GPC6: variants seen among roughly 807,000 people sequenced by gnomAD.
GPC6 encodes the protein glypican-6.
A neutral mutation model predicts 55.2 loss-of-function variants in GPC6; 14 were observed. That is an observed-to-expected ratio of 0.25 (90% confidence interval 0.17 to 0.40). GPC6 has a LOEUF of 0.40. GPC6 is among the 10% of genes least tolerant of loss of function. The probability of loss-of-function intolerance (pLI) is 1.00; values close to 1 mark genes in which losing one functional copy is unlikely to be tolerated. For missense variants in GPC6, 641 were observed against 708.5 expected, an observed-to-expected ratio of 0.90 and a Z score of 1.08; for synonymous variants, 278 against 259.6, an observed-to-expected ratio of 1.07 and a Z score of -0.68.
chr13:93,511,500 A>G (rs1027665947), intron 1 of GPC6, among the ~76,000 whole-genome samples: 1 of 151,530 alleles, frequency 6.6e-6, no homozygotes, highest in African/African-American at 2.4e-5. Context: ...ATGTGGCTTT[A>G]TTTCTGGGTT....
intron 3 of GPC6, among the ~76,000 whole-genome samples, chr13:93,936,628 G>A (rs573256767): frequency 6.6e-6 from 1 of 151,804 alleles, no homozygotes; most frequent in African/African-American, 2.4e-5. Flanking sequence ...AACATTAATC[G>A]AGTTACCTGA....
At chr13:93,837,510 C>T (rs1349278860) in intron 3 of GPC6, among the ~76,000 whole-genome samples, 2 of 152,174 alleles carry the variant, frequency 1.3e-5, no homozygotes, top group Non-Finnish European at 2.9e-5. Context: ...AGATTTAGCT[C>T]AGTCCTGATC....
chr13:94,383,336 A>C (rs1371706795), intron 7 of GPC6, among the ~76,000 whole-genome samples: 1 of 152,132 alleles, frequency 6.6e-6, no homozygotes, highest in East Asian at 1.9e-4. Context: ...GGGATCTTTG[A>C]GGATTGACCA....
intron 1 of GPC6, among the ~76,000 whole-genome samples, chr13:93,473,260 A>G (rs1566375395): frequency 6.6e-6 from 1 of 152,180 alleles, no homozygotes. Context: ...CCTATAGGTC[A>G]GTGTTGAACT....
At chr13:93,862,345 T>C (rs2139027704) in intron 3 of GPC6, among the ~76,000 whole-genome samples, 1 of 151,660 alleles carries the variant, frequency 6.6e-6, no homozygotes, top group South Asian at 2.1e-4. Flanking sequence ...GAATGGACTT[T>C]GCTCCATGCA....
chr13:93,982,099 G>A (rs1041393141), intron 3 of GPC6, among the ~76,000 whole-genome samples: 20 of 152,112 alleles, frequency 1.3e-4, no homozygotes, highest in Non-Finnish European at 2.2e-4. Context: ...CTATGGCGTT[G>A]AACAAGAGCA....
At chr13:93,789,580 T>TATATATATATAATACTAC (rs1555331662) in intron 2 of GPC6, among the ~76,000 whole-genome samples, 2 of 81,058 alleles carry the variant, frequency 2.5e-5, no homozygotes, top group Non-Finnish European at 5.3e-5. Flanking sequence ...ATATAAATAC[T>TATATATATATAATACTAC]ATATATATAT....
At chr13:93,577,970 T>C (rs1876745195) in intron 2 of GPC6, among the ~76,000 whole-genome samples, 1 of 152,132 alleles carries the variant, frequency 6.6e-6, no homozygotes, top group African/African-American at 2.4e-5. Context: ...AATAATTATA[T>C]GGTTTTCATT....
intron 3 of GPC6, among the ~76,000 whole-genome samples, chr13:93,878,745 G>A (rs970936446): frequency 2.9e-4 from 44 of 152,058 alleles, no homozygotes; most frequent in Non-Finnish European, 3.7e-4. Context: ...GCAGAGACTG[G>A]GGCCCTCACC....
At position 94,306,001 on chromosome 13, in the gene GPC6, C is replaced by T. The variant is rs146432359; in HGVS notation, c.1030C>T (p.Pro344Ser). The T allele has an allele frequency of 6.6e-5, 107 of 1,614,000 alleles. No homozygotes were observed. The highest frequency in any genetic ancestry group is 8.6e-5 in the Non-Finnish European group (102 of 1,179,994). Residue 344 changes from proline to serine, a missense_variant, in exon 6 of 9, where the codon CCC becomes TCC. By Grantham distance (74) the Pro-to-Ser change is moderately conservative. Coordinates refer to ENST00000377047, the MANE Select transcript of GPC6 (RefSeq NM_005708.5). ...CCAGGTCTTTCAGGGATGTGGTCAG[C>T]CCAAACCTGCTCCAGCCCTCAGATC... ...SAKVFQGCGQ[P>S]KPAPALRSAR...
At chr13:94,197,357 G>A (rs1370711679) in intron 4 of GPC6, among the ~76,000 whole-genome samples, 1 of 152,210 alleles carries the variant, frequency 6.6e-6, no homozygotes, top group Non-Finnish European at 1.5e-5. Flanking sequence ...AACGGTATTA[G>A]CCTGCTAGGG....
intron 6 of GPC6, among the ~76,000 whole-genome samples, chr13:94,353,690 A>G (rs1177183256): frequency 6.6e-6 from 1 of 152,226 alleles, no homozygotes; most frequent in Non-Finnish European, 1.5e-5. Flanking sequence ...ACTGAAAATT[A>G]AAATTCTGGA....
chr13:94,398,703 G>A, intron 8 of GPC6, 62 bp downstream of exon 8: 1 of 1,370,420 alleles, frequency 7.3e-7, no homozygotes, highest in South Asian at 1.2e-5. Flanking sequence ...AGAAGATGAT[G>A]CCCTGACTTT....
chr13:93,604,549 A>G (rs1022915697), intron 2 of GPC6, among the ~76,000 whole-genome samples: 1 of 152,178 alleles, frequency 6.6e-6, no homozygotes, highest in Non-Finnish European at 1.5e-5. Context: ...TAATGCAAAT[A>G]TACAGTGAGG....
intron 6 of GPC6, among the ~76,000 whole-genome samples, chr13:94,372,394 C>T (rs575078994): frequency 0.012 from 1,885 of 152,290 alleles, 33 homozygotes; most frequent in African/African-American, 0.043. Flanking sequence ...GGCATTGCCT[C>T]ACTTGGGAAG....
chr13:93,218,879 A>C, the GPC6 span, among the ~76,000 whole-genome samples: 8 of 152,190 alleles, frequency 5.3e-5, no homozygotes. Context: ...ACCTACGTAA[A>C]TAAGAATGGA....
At chr13:93,555,458 A>G in intron 2 of GPC6, among the ~76,000 whole-genome samples, 1 of 152,190 alleles carries the variant, frequency 6.6e-6, no homozygotes, top group East Asian at 1.9e-4. Flanking sequence ...CAGTTAAATG[A>G]ATTACTTATA....
At chr13:94,271,382 G>GCACACACACACA (rs60762188) in intron 4 of GPC6, among the ~76,000 whole-genome samples, 48 of 126,760 alleles carry the variant, frequency 3.8e-4, no homozygotes, top group Non-Finnish European at 6.3e-4. Flanking sequence ...GCGCGCGCGC[G>GCACACACACACA]CACACACACA....
intron 2 of GPC6, among the ~76,000 whole-genome samples, chr13:93,650,544 A>C (rs1468168838): frequency 6.6e-6 from 1 of 152,162 alleles, no homozygotes; most frequent in Non-Finnish European, 1.5e-5. Flanking sequence ...CAGAGATGAA[A>C]AAATATAGAA....
Sources: gnomAD v4.1 joint callset for allele counts (sites outside exome capture counted in the v4.1 genomes callset) on GRCh38, gnomAD v4.1.1 for gene constraint, MANE v1.5 for transcripts, NCBI Gene and HGNC (gene_info 2026-07-23, HGNC 2026-07-21) for gene names.